KDM2B: variants seen among roughly 807,000 people sequenced by gnomAD.
The protein encoded by KDM2B is lysine-specific demethylase 2B.
In KDM2B, 26 loss-of-function variants were observed where a neutral mutation model predicts 150.0. The observed-to-expected ratio is 0.17, with a 90% confidence interval of 0.13 to 0.24. The LOEUF is 0.24. KDM2B is among the 10% of genes least tolerant of loss of function. The probability of loss-of-function intolerance (pLI) is 1.00; values close to 1 mark genes in which losing one functional copy is unlikely to be tolerated. For missense variants in KDM2B, 1,265 were observed against 1,816.9 expected (o/e 0.70, Z 5.52); for synonymous variants, 734 against 729.5 (o/e 1.01, Z -0.10).
chr12:121,439,571 G>T (rs1339097527), intron 22 of KDM2B, among the ~76,000 whole-genome samples: 1 of 151,856 alleles, frequency 6.6e-6, no homozygotes, highest in Non-Finnish European at 1.5e-5. Context: ...TTGTAGAGAC[G>T]GGGTTTCACC....
intron 8 of KDM2B, among the ~76,000 whole-genome samples, chr12:121,526,185 C>G (rs544715400): frequency 1.5e-4 from 23 of 152,194 alleles, no homozygotes; most frequent in African/African-American, 5.5e-4. Flanking sequence ...AACCCCGTCT[C>G]TACTAAAAAT....
intron 6 of KDM2B, among the ~76,000 whole-genome samples, chr12:121,548,651 G>GTCCCAGAGCAGACA (rs1245361486): frequency 1.3e-5 from 2 of 152,226 alleles, no homozygotes; most frequent in African/African-American, 4.8e-5. Context: ...AGGGGAGCTG[G>GTCCCAGAGCAGACA]TCCCAGAGCA....
the KDM2B span, chr12:121,423,814 G>A: frequency 1.3e-5 from 6 of 471,174 alleles, no homozygotes; most frequent in Admixed American, 7.6e-5. The surrounding 1 kb of genome is among the most constrained non-coding windows in gnomAD (Gnocchi z 4.3). Flanking sequence ...CACACATCCC[G>A]TGAACACTCA....
At chr12:121,473,006 C>A (rs1203846322) in intron 12 of KDM2B, among the ~76,000 whole-genome samples, 2 of 152,046 alleles carry the variant, frequency 1.3e-5, no homozygotes, top group African/African-American at 2.4e-5. Flanking sequence ...TCTAGCCCAT[C>A]ATCCTCCAAA....
rs1555313222 is a variant in KDM2B, at chr12:121,558,756, A to G, written c.398-9118T>C. 2.7e-5 allele frequency among the ~76,000 whole-genome samples: 4 copies of G among 150,844 alleles called. No individual in the cohort carries two copies. In the South Asian group the frequency reaches 6.3e-4, roughly 24 times the overall value. Reference sequence around the variant, plus strand: ...AGGCGTGAGACACTGCGCCCAGCCTAATTTTTGTATTTTTAGTAGAGATGG... The same window carrying G: ...AGGCGTGAGACACTGCGCCCAGCCTGATTTTTGTATTTTTAGTAGAGATGG... On this transcript the variant is annotated intron_variant, in intron 4 of 22. Transcript: ENST00000377071.
In KDM2B at chr12:121,534,486, C is replaced by A. The variant is rs199521078; in HGVS notation, c.777+11G>T. The A allele has an allele frequency of 6.2e-7, 1 of 1,607,926 alleles. No individual in the cohort carries two copies. Among genetic ancestry groups the A allele is most frequent in the South Asian group, 1.1e-5 (1 of 90,954 alleles). On this transcript the variant is annotated intron_variant, in intron 7 of 22. Coordinates refer to ENST00000377071, the MANE Select transcript of KDM2B (RefSeq NM_032590.5). Reference sequence around the variant, plus strand: ...GAGATGCATAGAAAGTTAAAGGCAACTGAAACTCACCTTCCCACCCCGGAA... The same window carrying A: ...GAGATGCATAGAAAGTTAAAGGCAAATGAAACTCACCTTCCCACCCCGGAA...
rs1555291975 is a variant in KDM2B at position 121,453,092 on chromosome 12, C to T, written c.1959+28G>A. ...CCGGCACGCAGGGGCCTGAATCGAG[C>T]GCAGGGCTGGGCGGGGGCCGCACTC... On this transcript the variant is annotated intron_variant, in intron 13 of 22. Coordinates refer to ENST00000377071, the MANE Select transcript of KDM2B (RefSeq NM_032590.5). The surrounding 1 kb of genome is among the most constrained non-coding windows in gnomAD (Gnocchi z 6.4). The T allele has an allele frequency of 6.4e-7, 1 of 1,570,896 alleles. No homozygotes were observed. Among genetic ancestry groups the T allele is most frequent in the Non-Finnish European group, 8.6e-7 (1 of 1,159,780 alleles).
intron 4 of KDM2B, among the ~76,000 whole-genome samples, chr12:121,567,576 G>T (rs550845327): frequency 8.5e-5 from 13 of 152,188 alleles, no homozygotes; most frequent in African/African-American, 3.1e-4. Flanking sequence ...GACATGCAAA[G>T]GGAAAACCAC....
chr12:121,488,996 G>C (rs1883065449), intron 12 of KDM2B, among the ~76,000 whole-genome samples: 1 of 152,052 alleles, frequency 6.6e-6, no homozygotes, highest in African/African-American at 2.4e-5. Flanking sequence ...TTAGAAGAGA[G>C]AGGGTTTCTC....
At chr12:121,418,731 T>G in the KDM2B span, 4 of 152,120 alleles carry the variant, frequency 2.6e-5, no homozygotes, top group Non-Finnish European at 5.9e-5. Context: ...GACTTTTTTT[T>G]TTGTTTGGAG....
intron 12 of KDM2B, among the ~76,000 whole-genome samples, chr12:121,487,793 CTT>C (rs1248100789): frequency 5.4e-4 from 73 of 135,648 alleles, no homozygotes; most frequent in Non-Finnish European, 5.3e-4. Flanking sequence ...GAAGCAGCTT[CTT>C]TTTTTTTTTT....
intron 8 of KDM2B, among the ~76,000 whole-genome samples, chr12:121,522,749 G>A (rs1423869504): frequency 1.3e-5 from 2 of 151,608 alleles, no homozygotes; most frequent in African/African-American, 4.9e-5. Flanking sequence ...TTGGGAGGCG[G>A]AGGCATGAGA....
At chr12:121,544,503 G>A (rs1441780347) in intron 6 of KDM2B, among the ~76,000 whole-genome samples, 2 of 151,924 alleles carry the variant, frequency 1.3e-5, no homozygotes, top group African/African-American at 2.4e-5. Context: ...CCAGCTGCTC[G>A]GGAGGCTGAG....
chr12:121,529,730 G>C (rs1282000580), intron 8 of KDM2B, among the ~76,000 whole-genome samples: 1 of 151,606 alleles, frequency 6.6e-6, no homozygotes, highest in Non-Finnish European at 1.5e-5. Flanking sequence ...AGGAGTTCGA[G>C]ACCTGCCTGG....
intron 4 of KDM2B, among the ~76,000 whole-genome samples, chr12:121,567,706 CTTT>C (rs1180847689): frequency 1.7e-5 from 2 of 120,932 alleles, no homozygotes; most frequent in Non-Finnish European, 1.7e-5. Context: ...AAATACATTT[CTTT>C]TTTTTTTTTT....
At chr12:121,522,224 C>CT (rs1886751307) in intron 8 of KDM2B, among the ~76,000 whole-genome samples, 1 of 151,980 alleles carries the variant, frequency 6.6e-6, no homozygotes, top group South Asian at 2.1e-4. Flanking sequence ...AAAGTATATA[C>CT]TATATTCATG....
At chr12:121,489,895 G>A (rs1481638467) in intron 12 of KDM2B, among the ~76,000 whole-genome samples, 3 of 152,160 alleles carry the variant, frequency 2.0e-5, no homozygotes, top group African/African-American at 4.8e-5. Flanking sequence ...TACAGCACAC[G>A]GCCTTCCTGG....
intron 12 of KDM2B, among the ~76,000 whole-genome samples, chr12:121,481,104 T>C (rs1378864606): frequency 6.6e-6 from 1 of 151,928 alleles, no homozygotes; most frequent in Non-Finnish European, 1.5e-5. Flanking sequence ...TTTTTTTTTG[T>C]ATTTTCAGTA....
rs781823060 is a variant in KDM2B at position 121,430,085 on chromosome 12, C to T, written c.*203G>A. 7.6e-6 allele frequency: 12 copies of T among 1,569,524 alleles called. No individual in the cohort carries two copies. Among genetic ancestry groups the T allele is most frequent in the South Asian group, 2.2e-5 (2 of 90,198 alleles). ...AATGGTCCAGAAAGCAGTGCAGTTA[C>T]GATTCAGAAAGACCAAAGGAAAGTG... On this transcript the variant is annotated 3_prime_UTR_variant, in exon 23 of 23. Transcript: ENST00000377071. The surrounding 1 kb of genome is among the most constrained non-coding windows in gnomAD (Gnocchi z 4.4).
Sources: gnomAD v4.1 joint callset for allele counts (sites outside exome capture counted in the v4.1 genomes callset) on GRCh38, gnomAD v4.1.1 for gene constraint, Gnocchi (gnomAD v3.1) non-coding constraint, MANE v1.5 for transcripts, NCBI Gene and HGNC (gene_info 2026-07-23, HGNC 2026-07-21) for gene names.